The following ESRRG variants were observed in gnomAD, a reference collection of about 807,000 sequenced individuals.
ESRRG encodes the protein estrogen related receptor gamma.
In ESRRG, 13 loss-of-function variants were observed where a neutral mutation model predicts 44.0. That is an observed-to-expected ratio of 0.30 (90% CI 0.19 to 0.47). The LOEUF is 0.47. Among genes scored for constraint, ESRRG ranks in the 20% least tolerant of loss-of-function variants. The pLI, the probability that ESRRG is intolerant of heterozygous loss-of-function variation, is 1.00. For synonymous variants in ESRRG, 215 were observed against 214.6 expected, an observed-to-expected ratio of 1.00 and a Z score of -0.02; for missense variants, 395 against 580.6, an observed-to-expected ratio of 0.68 and a Z score of 3.29.
intron 1 of ESRRG, among the ~76,000 whole-genome samples, chr1:217,065,692 T>C (rs2089526107): frequency 6.6e-6 from 1 of 152,186 alleles, no homozygotes; most frequent in African/African-American, 2.4e-5. Context: ...CATATGGTTT[T>C]TGGAGAGGAA....
intron 2 of ESRRG, among the ~76,000 whole-genome samples, chr1:216,897,161 G>A (rs2058526497): frequency 6.6e-6 from 1 of 152,114 alleles, no homozygotes; most frequent in African/African-American, 2.4e-5. Context: ...AATGAATGAG[G>A]AGGAAAGAAA....
chr1:216,580,013 G>T (rs763271245), intron 3 of ESRRG, among the ~76,000 whole-genome samples: 1 of 152,130 alleles, frequency 6.6e-6, no homozygotes, highest in African/African-American at 2.4e-5. Context: ...TTTGAGAGTG[G>T]AGTGCATAGT....
intron 3 of ESRRG, among the ~76,000 whole-genome samples, chr1:216,636,238 T>C (rs1304136182): frequency 6.6e-6 from 1 of 152,222 alleles, no homozygotes; most frequent in Non-Finnish European, 1.5e-5. Context: ...ATCCTCTTCA[T>C]TTTTCAACTG....
chr1:216,996,299 G>A lies in ESRRG; in HGVS notation c.-105-56626C>T, dbSNP rs147686424. ...ATTTTAAAAGGAGAGTATAAAAAGT[G>A]TACATGCAGAGGACTGGAAGTAGAA... On this transcript the variant is annotated intron_variant, in intron 1 of 7. Transcript: ENST00000359162. Among the ~76,000 whole-genome samples the A allele has an allele frequency of 3.3e-5, 5 of 152,186 alleles. No homozygotes were observed. In the East Asian group the frequency reaches 9.7e-4, roughly 29 times the overall value.
intron 3 of ESRRG, among the ~76,000 whole-genome samples, chr1:216,577,755 G>A (rs1399037164): frequency 1.3e-5 from 2 of 151,702 alleles, no homozygotes; most frequent in African/African-American, 2.4e-5. Context: ...AAGCAGACAT[G>A]GATTTAAAAT....
chr1:217,062,908 A>G (rs749275502), intron 1 of ESRRG, among the ~76,000 whole-genome samples: 19 of 152,230 alleles, frequency 1.2e-4, no homozygotes, highest in Non-Finnish European at 2.4e-4. Context: ...GAGAGCAGGA[A>G]GAATCATGAA....
chr1:216,530,780 T>C (rs2049136197), intron 5 of ESRRG, among the ~76,000 whole-genome samples: 1 of 152,180 alleles, frequency 6.6e-6, no homozygotes, highest in Admixed American at 6.6e-5. Flanking sequence ...AAACATAACT[T>C]CAAATCCTTT....
chr1:217,003,399 T>C (rs2077299822), intron 1 of ESRRG, among the ~76,000 whole-genome samples: 1 of 151,988 alleles, frequency 6.6e-6, no homozygotes, highest in Admixed American at 6.6e-5. Flanking sequence ...GAAAAAATAA[T>C]TTTATTCAAT....
chr1:216,579,354 C>A lies in ESRRG; in HGVS notation c.590-11256G>T, dbSNP rs374761763. On this transcript the variant is annotated intron_variant, in intron 3 of 6. Transcript: ENST00000408911. Reference sequence around the variant, plus strand: ...GTTAAAGGTTTGGAGGAGAGTTATACGTATGTGTATTCATAGTTACATGTC... The same window carrying A: ...GTTAAAGGTTTGGAGGAGAGTTATAAGTATGTGTATTCATAGTTACATGTC... 2.6e-5 allele frequency among the ~76,000 whole-genome samples: 4 copies of A among 152,030 alleles called. No homozygotes were observed. The East Asian group carries it at 7.7e-4, about 29-fold the overall frequency.
chr1:216,819,386 C>T (rs113208943), intron 2 of ESRRG, among the ~76,000 whole-genome samples: 1 of 148,094 alleles, frequency 6.8e-6, no homozygotes, highest in African/African-American at 2.5e-5. Context: ...TTCTGTATAT[C>T]TTCTTCCTTT....
intron 2 of ESRRG, among the ~76,000 whole-genome samples, chr1:216,672,533 C>T (rs1023799901): frequency 3.9e-5 from 6 of 152,058 alleles, no homozygotes; most frequent in African/African-American, 7.2e-5. Context: ...ACTTTTTAAA[C>T]GTATATATTT....
rs930229066 is a variant in ESRRG, at chr1:216,566,393, T to C, written c.700+1595A>G. On this transcript the variant is annotated intron_variant, in intron 4 of 6. Coordinates refer to ENST00000408911, the MANE Select transcript of ESRRG (RefSeq NM_001438.4). ...GAGTAATGATTTATTAGGAGTCCTCTTTATCTGAGACAAATGGAGCTCACT... is the reference window on the plus strand; with the variant it reads ...GAGTAATGATTTATTAGGAGTCCTCCTTATCTGAGACAAATGGAGCTCACT... Among the ~76,000 whole-genome samples the C allele has an allele frequency of 2.0e-5, 3 of 152,210 alleles. No individual in the cohort carries two copies. In the South Asian group the frequency reaches 6.2e-4, roughly 32 times the overall value.
At chr1:217,006,921 G>A (rs1465130708) in intron 1 of ESRRG, among the ~76,000 whole-genome samples, 1 of 152,022 alleles carries the variant, frequency 6.6e-6, no homozygotes, top group Non-Finnish European at 1.5e-5. Context: ...TTTTTTAGCT[G>A]CTGTGCTGTT....
chr1:216,995,851 A>G (rs2076307806), intron 1 of ESRRG, among the ~76,000 whole-genome samples: 1 of 152,210 alleles, frequency 6.6e-6, no homozygotes, highest in Non-Finnish European at 1.5e-5. Context: ...TTGTTCTATC[A>G]TAAACCAACT....
Position 216,677,163 on chromosome 1 carries a change from AAC to A in ESRRG, c.383_384del (p.Cys128PhefsTer5). ...YMLNSMPKRL[C>X]LVCGDIASGY... The stretch of plus-strand genomic sequence containing the variant: ...CCAGAAGCGATGTCACCACACACTA[AAC>A]ACAGTCTCTTGGGCATCGAGTTGAG... On this transcript the variant is annotated frameshift_variant, in exon 2 of 7. Coordinates refer to ENST00000408911, the MANE Select transcript of ESRRG (RefSeq NM_001438.4). LOFTEE classifies it high-confidence loss of function. 6.2e-7 allele frequency: 1 copy of A among 1,614,148 alleles called. No homozygotes were observed. Among genetic ancestry groups the A allele is most frequent in the Non-Finnish European group, 8.5e-7 (1 of 1,179,988 alleles).
intron 2 of ESRRG, among the ~76,000 whole-genome samples, chr1:216,906,736 C>T (rs966658614): frequency 2.6e-5 from 4 of 152,126 alleles, no homozygotes; most frequent in African/African-American, 9.7e-5. Context: ...AAGAAAGAAT[C>T]CAGGGAATTT....
At chr1:217,061,304 C>T (rs942770995) in intron 1 of ESRRG, among the ~76,000 whole-genome samples, 5 of 151,984 alleles carry the variant, frequency 3.3e-5, no homozygotes, top group Admixed American at 2.6e-4. Flanking sequence ...AGTTTGAAAT[C>T]GCAAATAGAT....
intron 1 of ESRRG, among the ~76,000 whole-genome samples, chr1:217,031,147 TA>T (rs1035994269): frequency 2.0e-5 from 3 of 152,076 alleles, no homozygotes; most frequent in Non-Finnish European, 4.4e-5. Context: ...AGAGTTATTT[TA>T]AAAAAAACTA....
At chr1:216,512,521 A>T (rs74143427) in intron 6 of ESRRG, among the ~76,000 whole-genome samples, 4,122 of 152,218 alleles carry the variant, frequency 0.027, 190 homozygotes, top group African/African-American at 0.093. Context: ...ACATTTATTT[A>T]AAAAAACTAT....
Sources: gnomAD v4.1 joint callset for allele counts (sites outside exome capture counted in the v4.1 genomes callset) on GRCh38, gnomAD v4.1.1 for gene constraint, MANE v1.5 for transcripts, NCBI Gene and HGNC (gene_info 2026-07-23, HGNC 2026-07-21) for gene names.